HPX: variants seen among roughly 807,000 people sequenced by gnomAD.
HPX encodes the protein beta-1B-glycoprotein.
A neutral mutation model predicts 53.8 loss-of-function variants in HPX; 42 were observed. The observed-to-expected ratio is 0.78, with a 90% CI of 0.61 to 1.01. HPX has a LOEUF of 1.01. Among genes scored for constraint, HPX ranks in the 50% least tolerant of loss-of-function variants. The pLI is 0.00. For synonymous variants in HPX, 229 were observed against 221.1 expected (o/e 1.04, Z -0.32); for missense variants, 547 against 594.3 (o/e 0.92, Z 0.83).
At chr11:6,437,884 T>C (rs1849437567) in intron 5 of HPX, 1 of 585,406 alleles carries the variant, frequency 1.7e-6, no homozygotes, top group East Asian at 2.8e-5. Flanking sequence ...GGGAAGATGA[T>C]ACTTAAAGTG....
intron 7 of HPX, among the ~76,000 whole-genome samples, chr11:6,434,398 C>T (rs562985096): frequency 2.6e-5 from 4 of 152,308 alleles, no homozygotes; most frequent in South Asian, 4.1e-4. Flanking sequence ...GGCACAGTCA[C>T]GGTTCACTGC....
intron 4 of HPX, 82 bp downstream of exon 4, chr11:6,440,083 A>G (rs921381058): frequency 1.9e-6 from 3 of 1,578,706 alleles, no homozygotes; most frequent in Non-Finnish European, 1.7e-6. Flanking sequence ...TATGGGCTCC[A>G]TGCCAAGGCC....
chr11:6,433,508 T>C (rs977840347), intron 7 of HPX, among the ~76,000 whole-genome samples: 3 of 152,204 alleles, frequency 2.0e-5, no homozygotes, highest in African/African-American at 7.2e-5. Context: ...CTGTCAGCTC[T>C]ACCTCCAAAA....
chr11:6,431,070 T>A lies in HPX; in HGVS notation c.*141A>T. 1 of 1,114,538 alleles carries A rather than the reference T, an allele frequency of 9.0e-7. No individual in the cohort carries two copies. Among genetic ancestry groups the A allele is most frequent in the South Asian group, 1.6e-5 (1 of 61,486 alleles). The allele number at this position is 1,114,538 out of a possible 1,614,324, so 69.0% of individuals were successfully genotyped here. A position where few individuals can be genotyped will look rare whatever the true frequency, so the allele number is the denominator to read the frequency against. ...TTGATTCAAGTGAAGAAGCAATCTG[T>A]CTTTATTATGAGAAACTGGGGAGGT... is the stretch of plus-strand genomic sequence containing the variant. On this transcript the variant is annotated 3_prime_UTR_variant, in exon 10 of 10. Coordinates refer to ENST00000265983, the MANE Select transcript of HPX (RefSeq NM_000613.3).
chr11:6,437,359 G>T, intron 6 of HPX, 81 bp downstream of exon 6: 1 of 1,412,784 alleles, frequency 7.1e-7, no homozygotes, highest in Non-Finnish European at 1.0e-6. Context: ...GAGTTAAAGT[G>T]AGAGCTAGGA....
In HPX at chr11:6,431,237, T is replaced by C; in HGVS notation, c.1363A>G (p.Thr455Ala). The change falls in exon 10 of 10, where the codon ACC (threonine) becomes GCC (alanine). Residue 455 changes from threonine to alanine, a missense_variant. Transcript: ENST00000265983. ...CAGTGAGTGCAGCCCAGGAGACTGG[T>C]CACATTCTGGGGTTGCGGAAGGGCC... ...AKALPQPQNV[T>A]SLLGCTH 2 of 1,614,228 alleles carry C rather than the reference T, an allele frequency of 1.2e-6. No homozygotes were observed. The highest frequency in any genetic ancestry group is 1.7e-6 in the Non-Finnish European group (2 of 1,180,046).
chr11:6,436,863 G>A (rs73398896), intron 7 of HPX, among the ~76,000 whole-genome samples, 183 bp downstream of exon 7: 2,434 of 152,310 alleles, frequency 0.016, 79 homozygotes, highest in African/African-American at 0.055. Flanking sequence ...GGCTTGGGCC[G>A]TGACAGACAA....
chr11:6,438,459 T>C lies in HPX; in HGVS notation c.387A>G (p.Pro129=). Residue 129 remains proline, a synonymous_variant, in exon 5 of 10, where the codon CCA becomes CCG. Coordinates refer to ENST00000265983, the MANE Select transcript of HPX (RefSeq NM_000613.3). The stretch of plus-strand genomic sequence containing the variant: ...CAGGAAATTCATCTTGGAGCAACTT[T>C]GGGTATCCTTTCTCCTTCTTTTCAG... ...YPPEKKEKGY[P]KLLQDEFPGI... 1 of 1,614,160 alleles carries C rather than the reference T, an allele frequency of 6.2e-7. No homozygotes were observed. The highest frequency in any genetic ancestry group is 8.5e-7 in the Non-Finnish European group (1 of 1,179,960).
At chr11:6,433,426 C>T (rs186498366) in intron 7 of HPX, among the ~76,000 whole-genome samples, 17 of 152,370 alleles carry the variant, frequency 1.1e-4, no homozygotes, top group Non-Finnish European at 1.2e-4. Flanking sequence ...ATCCACTCGC[C>T]TTGGCCTCCC....
intron 4 of HPX, 114 bp from the exon 5 acceptor site, chr11:6,438,623 A>G: frequency 1.1e-6 from 1 of 914,816 alleles, no homozygotes; most frequent in Non-Finnish European, 1.7e-6. Flanking sequence ...GGCCCTACAC[A>G]TTCTCAGTCC....
Position 6,437,195 on chromosome 11 carries a change from T to C in HPX, c.704-18A>G, listed in dbSNP as rs775560711. 5.3e-5 allele frequency: 85 copies of C among 1,607,978 alleles called. No individual in the cohort carries two copies. Among genetic ancestry groups the C allele is most frequent in the Non-Finnish European group, 6.8e-5 (80 of 1,176,990 alleles). On this transcript the variant is annotated intron_variant, in intron 6 of 9. Transcript: ENST00000265983. Reference sequence around the variant, plus strand: ...TCCATGGCCTGGAGAGAGAAATGGGTGAGGAGAACACAGAAGGAGGCCAGA... The same window carrying C: ...TCCATGGCCTGGAGAGAGAAATGGGCGAGGAGAACACAGAAGGAGGCCAGA...
Position 6,431,253 on chromosome 11 carries a change from C to T in HPX, c.1347G>A (p.Pro449=), listed in dbSNP as rs143855789. The change falls in exon 10 of 10, where the codon CCG becomes CCA. Residue 449 remains proline (P), a synonymous_variant. Coordinates refer to ENST00000265983, the MANE Select transcript of HPX (RefSeq NM_000613.3). ...VEKLNAAKAL[P]QPQNVTSLLG... ...GGAGACTGGTCACATTCTGGGGTTG[C>T]GGAAGGGCCTTGGCTGCATTCAGTT... The T allele has an allele frequency of 1.7e-5, 27 of 1,614,242 alleles. No individual in the cohort carries two copies. Among genetic ancestry groups the T allele is most frequent in the African/African-American group, 1.1e-4 (8 of 75,062 alleles).
intron 7 of HPX, among the ~76,000 whole-genome samples, chr11:6,435,499 C>G (rs1229144981): frequency 6.6e-6 from 1 of 152,020 alleles, no homozygotes; most frequent in East Asian, 1.9e-4. Context: ...TGGTCTCACT[C>G]TGTCACCCAG....
chr11:6,439,769 C>T, intron 4 of HPX: 2 of 293,322 alleles, frequency 6.8e-6, no homozygotes, highest in Non-Finnish European at 1.4e-5. Context: ...ACTTGGTGAG[C>T]ACAGCAGACT....
At chr11:6,437,390 A>G in intron 6 of HPX, 50 bp downstream of exon 6, 1 of 1,528,568 alleles carries the variant, frequency 6.5e-7, no homozygotes, top group Non-Finnish European at 9.1e-7. Context: ...CCACAAGCTC[A>G]GGGAAAGTGG....
Position 6,437,066 on chromosome 11 carries a change from C to G in HPX, c.815G>C (p.Gly272Ala). ...CTCACCACTGAAGGCATAGGTGGCA[C>G]CATGGTTGTCAGACGTCAGTGCAGA... is the stretch of plus-strand genomic sequence containing the variant. ...VLSALTSDNH[G>A]ATYAFSGTHY... Residue 272 changes from glycine (G) to alanine (A), a missense_variant, in exon 7 of 10, where the codon GGT becomes GCT. Transcript: ENST00000265983. 6.2e-7 allele frequency: 1 copy of G among 1,614,108 alleles called. No individual in the cohort carries two copies. The highest frequency in any genetic ancestry group is 8.5e-7 in the Non-Finnish European group (1 of 1,180,000).
At chr11:6,432,341 T>C (rs1415352756) in intron 7 of HPX, 5 of 335,716 alleles carry the variant, frequency 1.5e-5, no homozygotes, top group African/African-American at 4.2e-5. Flanking sequence ...GATGCGGTTA[T>C]AGATAATGAA....
chr11:6,438,028 G>A (rs751438790), intron 5 of HPX: 4 of 487,200 alleles, frequency 8.2e-6, no homozygotes, highest in Non-Finnish European at 1.5e-5. Flanking sequence ...TAAGGTAAAA[G>A]TATAATAAAA....
chr11:6,436,570 C>G (rs944869395), intron 7 of HPX, among the ~76,000 whole-genome samples: 1 of 152,192 alleles, frequency 6.6e-6, no homozygotes, highest in African/African-American at 2.4e-5. Context: ...CATCTCATCC[C>G]CAGGCAGTGC....
Sources: allele counts gnomAD v4.1 joint callset (sites outside exome capture counted in the v4.1 genomes callset), GRCh38; gene constraint gnomAD v4.1.1; transcripts MANE v1.5; gene names NCBI Gene and HGNC (gene_info 2026-07-23, HGNC 2026-07-21).